Variants in TGM7 observed in about 807,000 individuals in gnomAD.
The protein encoded by TGM7 is transglutaminase 7.
A neutral mutation model predicts 79.5 loss-of-function variants in TGM7; 74 were observed. That is an observed-to-expected ratio of 0.93 (90% CI 0.77 to 1.13). The LOEUF (loss-of-function observed/expected upper bound fraction) is 1.13. TGM7 is among the 50% of genes most tolerant of loss of function. The pLI is 0.00. For synonymous variants in TGM7, 354 were observed against 362.5 expected, an observed-to-expected ratio of 0.98 and a Z score of 0.27; for missense variants, 912 against 905.9, an observed-to-expected ratio of 1.01 and a Z score of -0.09.
chr15:43,291,064 C>T (rs1378801238), intron 4 of TGM7, among the ~76,000 whole-genome samples: 2 of 152,130 alleles, frequency 1.3e-5, no homozygotes, highest in Non-Finnish European at 2.9e-5. Flanking sequence ...TTTCCTTCTC[C>T]TGCCTGATTG....
chr15:43,292,178 C>A (rs556793526), intron 3 of TGM7, 81 bp from the exon 4 acceptor site: 117 of 964,876 alleles, frequency 1.2e-4, no homozygotes, highest in Admixed American at 8.1e-4. Context: ...GTAACGACAA[C>A]GTGTTTCTGG....
At chr15:43,291,920 T>C (rs1320425076) in intron 4 of TGM7, 59 bp downstream of exon 4, 3 of 1,227,022 alleles carry the variant, frequency 2.4e-6, no homozygotes, top group Non-Finnish European at 3.6e-6. Flanking sequence ...CATAACAGGG[T>C]TGTGTAAGGA....
At chr15:43,280,596 C>T (rs868573217) in intron 9 of TGM7, among the ~76,000 whole-genome samples, 1 of 152,018 alleles carries the variant, frequency 6.6e-6, no homozygotes, top group African/African-American at 2.4e-5. Context: ...GCACTCCAGC[C>T]TGGGCAACAA....
At chr15:43,298,590 T>C (rs1194841237) in intron 1 of TGM7, among the ~76,000 whole-genome samples, 3 of 151,946 alleles carry the variant, frequency 2.0e-5, no homozygotes, top group African/African-American at 7.3e-5. Context: ...TTGTCTCTAC[T>C]AAAAATACAA....
chr15:43,294,166 G>GACT (rs1566847114), intron 1 of TGM7, among the ~76,000 whole-genome samples: 1 of 152,196 alleles, frequency 6.6e-6, no homozygotes. Context: ...TTAAGTCAGT[G>GACT]AGCTGACTGG....
At chr15:43,279,328 G>A in intron 10 of TGM7, 51 bp from the exon 11 acceptor site, 1 of 1,576,836 alleles carries the variant, frequency 6.3e-7, no homozygotes, top group Non-Finnish European at 8.7e-7. Flanking sequence ...CCAGAGAGAG[G>A]GGGGACATGT....
At position 43,292,945 on chromosome 15, in the gene TGM7, G is replaced by A. The variant is rs543125845; in HGVS notation, c.203C>T (p.Pro68Leu). The stretch of plus-strand genomic sequence containing the variant: ...GGCTCGGGTCCCCAGCAGCTCTGAC[G>A]GCTTGGGTCCTGTGTAGGAGAGAAT... ...ITFVAETGPK[P>L]SELLGTRATF... Residue 68 changes from proline (P) to leucine (L), a missense_variant, in exon 3 of 13, where the codon CCG becomes CTG. Physicochemically the swap from Pro to Leu is moderately conservative, Grantham distance 98. Transcript: ENST00000452443. 53 of 1,613,260 alleles carry A rather than the reference G, an allele frequency of 3.3e-5. No individual in the cohort carries two copies. The East Asian group carries it at 9.8e-4, about 30-fold the overall frequency.
intron 1 of TGM7, among the ~76,000 whole-genome samples, chr15:43,296,981 G>A (rs2042995175): frequency 6.6e-6 from 1 of 152,170 alleles, no homozygotes; most frequent in African/African-American, 2.4e-5. Context: ...GAATCAGTTA[G>A]TAAAAACATG....
intron 1 of TGM7, among the ~76,000 whole-genome samples, chr15:43,296,934 G>T (rs2042994968): frequency 1.3e-5 from 2 of 152,128 alleles, no homozygotes; most frequent in Non-Finnish European, 2.9e-5. Context: ...AAGCCAAGAG[G>T]ATCAGGAAGA....
chr15:43,301,211 C>T (rs2043023734), intron 1 of TGM7, among the ~76,000 whole-genome samples: 1 of 151,860 alleles, frequency 6.6e-6, no homozygotes, highest in Non-Finnish European at 1.5e-5. Context: ...TCGAACTCCT[C>T]AGCTCAAGCG....
At chr15:43,286,062 G>C (rs1042680412) in intron 6 of TGM7, among the ~76,000 whole-genome samples, 3 of 152,206 alleles carry the variant, frequency 2.0e-5, no homozygotes, top group Non-Finnish European at 4.4e-5. Flanking sequence ...AAAAGTAAAA[G>C]GAATATTGAC....
intron 1 of TGM7, among the ~76,000 whole-genome samples, chr15:43,293,962 G>A (rs578084828): frequency 8.7e-5 from 13 of 150,268 alleles, no homozygotes; most frequent in African/African-American, 3.2e-4. Context: ...TGTTGATACT[G>A]GTGAATTCCA....
chr15:43,282,077 C>G lies in TGM7; in HGVS notation c.1118G>C (p.Cys373Ser), dbSNP rs754076313. The G allele has an allele frequency of 6.2e-7, 1 of 1,614,070 alleles. No homozygotes were observed. The highest frequency in any genetic ancestry group is 8.5e-7 in the Non-Finnish European group (1 of 1,179,978). Residue 373 changes from cysteine (C) to serine (S), a missense_variant, in exon 9 of 13, where the codon TGC becomes TCC. Physicochemically the swap from Cys to Ser is moderately radical, Grantham distance 112. Transcript: ENST00000452443. ...GGCCTTCACAGAGGCAGGGCCACAG[C>G]AGAACAGCCCTGTGGAGGCAACAGG... Reference protein sequence around the residue: ...TPQQTSSGLFCCGPASVKAIR... With the variant: ...TPQQTSSGLFSCGPASVKAIR...
chr15:43,279,686 C>G lies in TGM7; in HGVS notation c.1617G>C (p.Gly539=). The change falls in exon 10 of 13, where the codon GGG becomes GGC. Residue 539 remains glycine, a synonymous_variant. Transcript: ENST00000452443. ...TCCAGAAGGGCTTCTGGGTACCACC[C>G]CCATGCAGCAGGGCCTGTGCACAGA... ...VRFCAQALLH[G]GGTQKPFWRH... 1 of 1,613,446 alleles carries G rather than the reference C, an allele frequency of 6.2e-7. No homozygotes were observed. The highest frequency in any genetic ancestry group is 8.5e-7 in the Non-Finnish European group (1 of 1,179,750).
rs1444106736 is a variant in TGM7 at position 43,297,222 on chromosome 15, G to A, written c.11-3591C>T. On this transcript the variant is annotated intron_variant, in intron 1 of 12. Transcript: ENST00000452443. The stretch of plus-strand genomic sequence containing the variant: ...TGTAATCCCAGCACTTTGGGAGGCC[G>A]AGGCGGGTGGATCACGAGCTCAGGA... 5.9e-5 allele frequency among the ~76,000 whole-genome samples: 9 copies of A among 152,096 alleles called. No homozygotes were observed. In the East Asian group the frequency reaches 7.7e-4, roughly 13 times the overall value.
intron 8 of TGM7, 70 bp downstream of exon 8, chr15:43,282,447 G>C: frequency 1.5e-6 from 2 of 1,369,886 alleles, no homozygotes; most frequent in Non-Finnish European, 2.0e-6. Flanking sequence ...CTGGTCTCCT[G>C]CTCCCACGGC....
chr15:43,292,771 T>C lies in TGM7; in HGVS notation c.377A>G (p.Gln126Arg). ...CAGCGGGTAAGTCACACTGTGACCT[T>C]GGCCCTGAGAGATCTCTATTTTCAG... The part of the protein sequence containing the change: ...YTLKIEISQG[Q>R]GHSVTYPLGT... The change falls in exon 3 of 13, where the codon CAA becomes CGA. Residue 126 changes from glutamine to arginine, a missense_variant. Physicochemically the swap from Gln to Arg is conservative, Grantham distance 43. Coordinates refer to ENST00000452443, the MANE Select transcript of TGM7 (RefSeq NM_052955.3). 1 of 1,614,202 alleles carries C rather than the reference T, an allele frequency of 6.2e-7. No homozygotes were observed. Among genetic ancestry groups the C allele is most frequent in the African/African-American group, 1.3e-5 (1 of 75,074 alleles).
rs201046778 is a variant in TGM7, at chr15:43,279,161, C to T, written c.1795G>A (p.Val599Ile). 1 of 1,614,134 alleles carries T rather than the reference C, an allele frequency of 6.2e-7. No homozygotes were observed. The highest frequency in any genetic ancestry group is 8.5e-7 in the Non-Finnish European group (1 of 1,180,018). ...GGCTCCAGACAGATATCTTTTAGGA[C>T]CAGCATGGACCTCCCTGTCTCTTCA... ...EVEETGRSML[V>I]LKDICLEPPH... The change falls in exon 11 of 13, where the codon GTC becomes ATC. Residue 599 changes from valine to isoleucine, a missense_variant. Transcript: ENST00000452443.
intron 9 of TGM7, 109 bp from the exon 10 acceptor site, chr15:43,280,060 C>T (rs2042899986): frequency 1.0e-6 from 1 of 972,026 alleles, no homozygotes; most frequent in Admixed American, 2.4e-5. Flanking sequence ...GGCGGCGCGG[C>T]TCAGGTGCTG....
Sources: gnomAD v4.1 joint callset for allele counts (sites outside exome capture counted in the v4.1 genomes callset) on GRCh38, gnomAD v4.1.1 for gene constraint, MANE v1.5 for transcripts, NCBI Gene and HGNC (gene_info 2026-07-23, HGNC 2026-07-21) for gene names.